LRP1B: variants seen among roughly 807,000 people sequenced by gnomAD.
LRP1B encodes the protein LDL receptor related protein 1B.
LRP1B carries 217 observed loss-of-function variants against 556.6 expected under a neutral mutation model. The observed-to-expected ratio is 0.39, with a 90% confidence interval of 0.35 to 0.44. LRP1B has a LOEUF of 0.44. Ranked by LOEUF, LRP1B falls within the 20% of genes least tolerant of loss-of-function variation. The pLI, the probability that LRP1B is intolerant of heterozygous loss-of-function variation, is 1.00. For missense variants in LRP1B, 5,053 were observed against 5,620.8 expected (o/e 0.90, Z 3.23); for synonymous variants, 2,047 against 1,865.8 (o/e 1.10, Z -2.50).
rs777715712 is a variant in LRP1B, at chr2:140,886,346, A to G, written c.3767-11T>C. The G allele has an allele frequency of 3.4e-6, 5 of 1,483,184 alleles. No individual in the cohort carries two copies. The highest frequency in any genetic ancestry group is 4.6e-6 in the Non-Finnish European group (5 of 1,090,692). The allele number at this position is 1,483,184 out of a possible 1,614,324, so 91.9% of individuals were successfully genotyped here. ...ATGCTTCAAAAGGATCTGAAATTAA[A>G]TTTATTTTTAATAGGCTTATGAAAA... On this transcript the variant is annotated splice_polypyrimidine_tract_variant and intron_variant, in intron 23 of 90. Transcript: ENST00000389484.
chr2:141,166,281 T>A (rs1287551582), intron 7 of LRP1B, among the ~76,000 whole-genome samples: 1 of 151,770 alleles, frequency 6.6e-6, no homozygotes, highest in Non-Finnish European at 1.5e-5. Context: ...TTCCTTCCCA[T>A]CGTTTTATTG....
chr2:141,284,411 C>T (rs1457768668), intron 3 of LRP1B, among the ~76,000 whole-genome samples: 3 of 152,074 alleles, frequency 2.0e-5, no homozygotes, highest in East Asian at 1.9e-4. Context: ...ATTGGAAATA[C>T]GTATAGGATG....
rs548690732 is a variant in LRP1B at position 141,001,140 on chromosome 2, A to G, written c.2503+4195T>C. Among the ~76,000 whole-genome samples the G allele has an allele frequency of 1.2e-4, 18 of 152,200 alleles. No individual in the cohort carries two copies. In the South Asian group the frequency reaches 3.7e-3, roughly 32 times the overall value. On this transcript the variant is annotated intron_variant, in intron 15 of 90. Coordinates refer to ENST00000389484, the MANE Select transcript of LRP1B (RefSeq NM_018557.3). ...TCCCCCTGTAACTTCCTACAATGATAAAGAACAAACATAAAAACTTATCAG... is the reference window on the plus strand; with the variant it reads ...TCCCCCTGTAACTTCCTACAATGATGAAGAACAAACATAAAAACTTATCAG...
chr2:140,766,644 A>T (rs1353729491), intron 35 of LRP1B, among the ~76,000 whole-genome samples: 9 of 150,964 alleles, frequency 6.0e-5, no homozygotes, highest in Non-Finnish European at 1.3e-4. Context: ...GATGATGATG[A>T]TGTTTATCCT....
chr2:141,210,455 A>T (rs1405679267), intron 6 of LRP1B, among the ~76,000 whole-genome samples: 1 of 152,158 alleles, frequency 6.6e-6, no homozygotes, highest in Admixed American at 6.5e-5. Context: ...TTTCTTCCAT[A>T]AAGACAAAAT....
intron 2 of LRP1B, among the ~76,000 whole-genome samples, chr2:141,806,788 T>C (rs1208839081): frequency 6.6e-6 from 1 of 151,972 alleles, no homozygotes; most frequent in African/African-American, 2.4e-5. Flanking sequence ...AAGCATTTTA[T>C]AAGTAAGGCT....
At chr2:140,442,149 A>T (rs1026506243) in intron 66 of LRP1B, among the ~76,000 whole-genome samples, 2 of 152,148 alleles carry the variant, frequency 1.3e-5, no homozygotes, top group Admixed American at 6.5e-5. Context: ...AAGCAAAAAA[A>T]AAATGAATTC....
At chr2:140,291,482 C>T (rs542549737) in intron 84 of LRP1B, among the ~76,000 whole-genome samples, 5 of 151,274 alleles carry the variant, frequency 3.3e-5, no homozygotes, top group African/African-American at 1.2e-4. Flanking sequence ...CACAACAGGC[C>T]CCGGTGTGTG....
At chr2:140,516,862 A>C (rs780036904) in intron 50 of LRP1B, 27 bp downstream of exon 50, 16 of 1,611,348 alleles carry the variant, frequency 9.9e-6, no homozygotes, top group Non-Finnish European at 1.3e-5. Flanking sequence ...AAGGTTAACA[A>C]AAACTAAGCT....
At chr2:140,762,470 GT>G (rs200198732) in intron 35 of LRP1B, among the ~76,000 whole-genome samples, 24 of 151,750 alleles carry the variant, frequency 1.6e-4, no homozygotes, top group East Asian at 5.8e-4. Context: ...AATATTAAGG[GT>G]TTTTTTTGTT....
intron 2 of LRP1B, among the ~76,000 whole-genome samples, chr2:141,558,623 A>G (rs967726366): frequency 3.3e-5 from 5 of 151,866 alleles, no homozygotes; most frequent in African/African-American, 1.2e-4. Flanking sequence ...GTCCTGTTGT[A>G]TCATGACTCA....
At chr2:141,344,638 T>G (rs1688180927) in intron 3 of LRP1B, among the ~76,000 whole-genome samples, 1 of 152,234 alleles carries the variant, frequency 6.6e-6, no homozygotes, top group Admixed American at 6.5e-5. Context: ...TGTATTTAAC[T>G]TTTTATCTAT....
rs1695485435 is a variant in LRP1B at position 140,944,416 on chromosome 2, T to C, written c.3136+5819A>G. Among the ~76,000 whole-genome samples the C allele has an allele frequency of 2.0e-5, 3 of 152,106 alleles. No homozygotes were observed. In the South Asian group the frequency reaches 6.2e-4, roughly 32 times the overall value. ...GGAGGGACTCCTTTGTAATTGATTC[T>C]ACAAAAGCAGTATCATCCTGATACC... On this transcript the variant is annotated intron_variant, in intron 20 of 90. Coordinates refer to ENST00000389484, the MANE Select transcript of LRP1B (RefSeq NM_018557.3).
rs545005889 is a variant in LRP1B, at chr2:141,650,344, G to A, written c.205+159935C>T. On this transcript the variant is annotated intron_variant, in intron 2 of 90. Coordinates refer to ENST00000389484, the MANE Select transcript of LRP1B (RefSeq NM_018557.3). ...TATGGTTTTTCTAGAGAGTTAGAGT[G>A]GAACATGGAGTGGAGGGGAAGGAGA... Among the ~76,000 whole-genome samples, 9 of 152,306 alleles carry A rather than the reference G, an allele frequency of 5.9e-5. No individual in the cohort carries two copies. The South Asian group carries it at 1.2e-3, about 21-fold the overall frequency.
At chr2:140,800,487 A>G (rs535632792) in intron 32 of LRP1B, among the ~76,000 whole-genome samples, 1 of 152,186 alleles carries the variant, frequency 6.6e-6, no homozygotes, top group Non-Finnish European at 1.5e-5. Flanking sequence ...GATTTCTAGA[A>G]TAAGCAATGT....
intron 41 of LRP1B, among the ~76,000 whole-genome samples, chr2:140,690,352 A>T (rs1304300531): frequency 6.6e-6 from 1 of 151,594 alleles, no homozygotes; most frequent in East Asian, 1.9e-4. Context: ...TTCCGGGTCT[A>T]ACCTCTTCTT....
At chr2:141,671,416 T>C (rs1397451084) in intron 2 of LRP1B, among the ~76,000 whole-genome samples, 2 of 152,086 alleles carry the variant, frequency 1.3e-5, no homozygotes, top group Non-Finnish European at 2.9e-5. Flanking sequence ...CAAGCAAGGA[T>C]GGAACTCAGG....
intron 3 of LRP1B, among the ~76,000 whole-genome samples, chr2:141,400,914 A>G (rs1690428188): frequency 6.6e-6 from 1 of 152,146 alleles, no homozygotes; most frequent in South Asian, 2.1e-4. Context: ...AGCCTTACAT[A>G]CCACAATTCC....
At chr2:141,761,528 A>G (rs1694546964) in intron 2 of LRP1B, among the ~76,000 whole-genome samples, 1 of 152,216 alleles carries the variant, frequency 6.6e-6, no homozygotes, top group African/African-American at 2.4e-5. Context: ...AATAATGACA[A>G]AATAATGATA....
Sources: allele counts gnomAD v4.1 joint callset (sites outside exome capture counted in the v4.1 genomes callset), GRCh38; gene constraint gnomAD v4.1.1; transcripts MANE v1.5; gene names NCBI Gene and HGNC (gene_info 2026-07-23, HGNC 2026-07-21).